The following MDN1 variants were observed in gnomAD, a reference collection of about 807,000 sequenced individuals.
MDN1 encodes the protein midasin AAA ATPase 1.
In MDN1, 266 loss-of-function variants were observed where a neutral mutation model predicts 669.2. The ratio of observed to expected loss-of-function variants is 0.40; its 90% CI spans 0.36 to 0.44. The LOEUF (loss-of-function observed/expected upper bound fraction) is 0.44. MDN1 is among the 20% of genes least tolerant of loss of function. The pLI is 1.00. For synonymous variants in MDN1, 2,385 were observed against 2,457.1 expected, an observed-to-expected ratio of 0.97 and a Z score of 0.87; for missense variants, 5,940 against 6,754.0, an observed-to-expected ratio of 0.88 and a Z score of 4.22.
intron 1 of MDN1, chr6:89,815,357 G>A: frequency 2.2e-6 from 1 of 458,460 alleles, no homozygotes; most frequent in Non-Finnish European, 4.3e-6. Flanking sequence ...GCGGAAGAGA[G>A]TGGTGAAATG....
At chr6:89,678,558 T>C (rs1460485137) in intron 75 of MDN1, 41 bp downstream of exon 75, 3 of 1,600,494 alleles carry the variant, frequency 1.9e-6, no homozygotes, top group Non-Finnish European at 2.6e-6. Context: ...TCCCTAAAAG[T>C]TGGTGACTAC....
chr6:89,750,868 G>A (rs1311840459), intron 23 of MDN1, among the ~76,000 whole-genome samples: 4 of 151,494 alleles, frequency 2.6e-5, no homozygotes, highest in African/African-American at 9.7e-5. Context: ...CTCCCACAGT[G>A]CTGGGATTAC....
At chr6:89,795,826 A>C (rs902680638) in intron 2 of MDN1, among the ~76,000 whole-genome samples, 3 of 151,942 alleles carry the variant, frequency 2.0e-5, no homozygotes, top group Non-Finnish European at 2.9e-5. Flanking sequence ...GTGGTGGCTC[A>C]TGCCTGTAAT....
At chr6:89,730,219 T>C (rs1815502115) in intron 35 of MDN1, among the ~76,000 whole-genome samples, 1 of 152,164 alleles carries the variant, frequency 6.6e-6, no homozygotes. Flanking sequence ...TCCCATTTAA[T>C]CATTCACTCA....
intron 65 of MDN1, 101 bp downstream of exon 65, chr6:89,689,769 A>G: frequency 7.3e-7 from 1 of 1,376,074 alleles, no homozygotes; most frequent in Non-Finnish European, 9.8e-7. Flanking sequence ...GAATTATGCG[A>G]AAACAGGAAA....
chr6:89,715,655 G>A lies in MDN1; in HGVS notation c.6858C>T (p.Phe2286=). 1.9e-6 allele frequency: 3 copies of A among 1,582,004 alleles called. No homozygotes were observed. Among genetic ancestry groups the A allele is most frequent in the Non-Finnish European group, 2.6e-6 (3 of 1,150,848 alleles). The change falls in exon 45 of 102, where the codon TTC becomes TTT. Residue 2286 remains phenylalanine (F), a splice_region_variant and synonymous_variant. Transcript: ENST00000369393. ...STPTITPNPN[F]RLFLSMDPVH... is the part of the protein sequence containing the mutation. ...AGAAATGTAAGAGATACAAATACCT[G>A]AAATTGGGATTTGGTGTTATCGTGG...
intron 5 of MDN1, 43 bp from the exon 6 acceptor site, chr6:89,790,444 C>T (rs1245634643): frequency 1.2e-6 from 2 of 1,610,594 alleles, no homozygotes; most frequent in African/African-American, 1.3e-5. Flanking sequence ...GAGTTCTTCC[C>T]CCAAGGAACC....
At position 89,731,796 on chromosome 6, in the gene MDN1, CCG is replaced by C. The variant is rs1412351624; in HGVS notation, c.4942+759_4942+760del. On this transcript the variant is annotated intron_variant, in intron 34 of 101. Transcript: ENST00000369393. ...ATCTTTTATTCTTTAATTCATAGTACCGCCCCCCCCCCCCACCTTTTCCTTTT... is the reference window on the plus strand; with the variant it reads ...ATCTTTTATTCTTTAATTCATAGTACCCCCCCCCCCCCACCTTTTCCTTTT... 2.0e-3 allele frequency among the ~76,000 whole-genome samples: 75 copies of C among 37,634 alleles called. 1 individual carries two copies. The highest frequency in any genetic ancestry group is 7.3e-3 in the African/African-American group (58 of 7,918). 24.7% of individuals were successfully genotyped at this position (37,634 alleles called of 152,430 possible). A position where few individuals can be genotyped will look rare whatever the true frequency, so the allele number is the denominator to read the frequency against.
rs1437534687 is a variant in MDN1 at position 89,692,506 on chromosome 6, G to A, written c.10524C>T (p.Ser3508=). The change falls in exon 63 of 102, where the codon TCC becomes TCT. Residue 3508 remains serine (S), a synonymous_variant. Coordinates refer to ENST00000369393, the MANE Select transcript of MDN1 (RefSeq NM_014611.3). The part of the protein sequence containing the change: ...LLMNALLYLR[S]HVLCKGELDQ... ...CCAACTCTCCCTTGCATAACACGTG[G>A]GAGCGCAGGTAAAGGAGAGCATTCA... The A allele has an allele frequency of 3.1e-6, 5 of 1,614,190 alleles. No individual in the cohort carries two copies. The highest frequency in any genetic ancestry group is 4.2e-6 in the Non-Finnish European group (5 of 1,180,030).
In MDN1 at chr6:89,644,070, G is replaced by C. The variant is rs1808320359; in HGVS notation, c.16726C>G (p.Pro5576Ala). Residue 5576 changes from proline (P) to alanine (A), a missense_variant, in exon 102 of 102, where the codon CCT becomes GCT. Pro to Ala is a conservative substitution (Grantham distance 27). This residue lies in a region of MDN1 where 2,280 missense variants were observed against 2,576.3 expected (regional missense o/e 0.88). Transcript: ENST00000369393. The part of the protein sequence containing the change: ...YIILRDVNAL[P>A]ETLSDALRQW... ...CTGAGGGCATCGCTGAGTGTCTCAG[G>C]AAGTGCGTTTACATCTCGAAGAATG... 2 of 1,614,028 alleles carry C rather than the reference G, an allele frequency of 1.2e-6. No homozygotes were observed. Among genetic ancestry groups the C allele is most frequent in the Non-Finnish European group, 8.5e-7 (1 of 1,180,034 alleles).
intron 53 of MDN1, among the ~76,000 whole-genome samples, chr6:89,705,720 C>T (rs1397033469): frequency 6.6e-6 from 1 of 152,036 alleles, no homozygotes; most frequent in African/African-American, 2.4e-5. Context: ...ATGGCTACCT[C>T]GTTGTGGGTG....
chr6:89,755,984 A>G (rs1817225202), intron 20 of MDN1, among the ~76,000 whole-genome samples: 1 of 152,236 alleles, frequency 6.6e-6, no homozygotes, highest in African/African-American at 2.4e-5. Context: ...AGCCATGTAC[A>G]TCTCCAAGAA....
chr6:89,677,732 C>T lies in MDN1; in HGVS notation c.12413-36G>A, dbSNP rs1811304449. ...AACAGCATTTCTTTAAGCAAAGATG[C>T]TTAGTAGAGAATGGATGTGCCCCCC... On this transcript the variant is annotated intron_variant, in intron 75 of 101. Transcript: ENST00000369393. 22 of 1,612,538 alleles carry T rather than the reference C, an allele frequency of 1.4e-5. No individual in the cohort carries two copies. In the East Asian group the frequency reaches 4.9e-4, roughly 36 times the overall value.
At position 89,785,130 on chromosome 6, in the gene MDN1, CGTT is replaced by C. The variant is rs1562216742; in HGVS notation, c.1335-7_1335-5del. 2.5e-6 allele frequency: 4 copies of C among 1,603,232 alleles called. No individual in the cohort carries two copies. In the Admixed American group the frequency reaches 6.8e-5, roughly 27 times the overall value. ...ATTTCCTCCACAGCTCAAGAGTCTA[CGTT>C]TCAAAATAAAAAACACAGTCACACA... On this transcript the variant is annotated splice_region_variant and splice_polypyrimidine_tract_variant and intron_variant, in intron 8 of 101. Transcript: ENST00000369393.
At chr6:89,722,737 C>T (rs1814924152) in intron 40 of MDN1, among the ~76,000 whole-genome samples, 1 of 151,720 alleles carries the variant, frequency 6.6e-6, no homozygotes, top group Non-Finnish European at 1.5e-5. Context: ...ATCCCAGCTA[C>T]TTGGGAGGCT....
intron 33 of MDN1, among the ~76,000 whole-genome samples, chr6:89,737,965 C>T (rs529724844): frequency 6.6e-6 from 1 of 152,222 alleles, no homozygotes; most frequent in African/African-American, 2.4e-5. Flanking sequence ...CTCAAGTGAT[C>T]CGCCCACCTT....
chr6:89,649,140 G>A (rs1385422128), intron 97 of MDN1, among the ~76,000 whole-genome samples: 1 of 152,128 alleles, frequency 6.6e-6, no homozygotes, highest in East Asian at 1.9e-4. Flanking sequence ...TATGTAGTCA[G>A]ATCAGACTGT....
intron 79 of MDN1, 53 bp from the exon 80 acceptor site, chr6:89,673,515 C>T: frequency 6.8e-7 from 1 of 1,480,278 alleles, no homozygotes; most frequent in Admixed American, 1.7e-5. Context: ...TTCCCACAAA[C>T]ACACACCCCT....
At chr6:89,650,639 G>A (rs549765990) in intron 96 of MDN1, 93 bp downstream of exon 96, 209 of 913,838 alleles carry the variant, frequency 2.3e-4, no homozygotes, top group Middle Eastern at 6.5e-4. Context: ...CTAGAAGCTG[G>A]CACTATAAAT....
Sources: allele counts gnomAD v4.1 joint callset (sites outside exome capture counted in the v4.1 genomes callset), GRCh38; gene constraint gnomAD v4.1.1; regional missense constraint gnomAD v4.1.1; transcripts MANE v1.5; gene names NCBI Gene and HGNC (gene_info 2026-07-23, HGNC 2026-07-21).